SPATA13: variants seen among roughly 807,000 people sequenced by gnomAD.
The protein encoded by SPATA13 is spermatogenesis-associated protein 13.
In SPATA13, 50 loss-of-function variants were observed where a neutral mutation model predicts 104.0. The observed-to-expected ratio is 0.48, with a 90% CI of 0.38 to 0.61. SPATA13 has a LOEUF of 0.61. Ranked by LOEUF, SPATA13 falls within the 20% of genes least tolerant of loss-of-function variation. The pLI is 0.00. For synonymous variants in SPATA13, 606 were observed against 667.5 expected, an observed-to-expected ratio of 0.91 and a Z score of 1.42; for missense variants, 1,524 against 1,690.6, an observed-to-expected ratio of 0.90 and a Z score of 1.73.
At position 23,982,270 on chromosome 13, in the gene SPATA13, A is replaced by G. The variant is rs9553129; in HGVS notation, c.-353-1457A>G. On this transcript the variant is annotated intron_variant, in intron 1 of 14. Transcript: ENST00000424834. ...CAGGTATGGACCTGGCTGGTCCTGCATGAAGACTTTGCTATGCATTTTCCA... is the reference window on the plus strand; with the variant it reads ...CAGGTATGGACCTGGCTGGTCCTGCGTGAAGACTTTGCTATGCATTTTCCA... 6.9e-3 allele frequency among the ~76,000 whole-genome samples: 1,053 copies of G among 152,332 alleles called. 44 individuals are homozygous for G. In the East Asian group the frequency reaches 0.12, roughly 17 times the overall value.
intron 4 of SPATA13, among the ~76,000 whole-genome samples, chr13:24,255,650 A>G (rs1411389340): frequency 1.3e-5 from 2 of 152,368 alleles, no homozygotes; most frequent in South Asian, 2.1e-4. Context: ...GATTAGCAGT[A>G]CATTAATTAT....
At chr13:24,116,592 C>A (rs1158033665) in intron 3 of SPATA13, among the ~76,000 whole-genome samples, 1 of 152,112 alleles carries the variant, frequency 6.6e-6, no homozygotes, top group Non-Finnish European at 1.5e-5. Flanking sequence ...GTTCATTTTA[C>A]CCTCATTTTA....
Position 24,290,678 on chromosome 13 carries a change from G to T in SPATA13, c.2874G>T (p.Glu958Asp). The change falls in exon 9 of 13, where the codon GAG becomes GAT. Residue 958 changes from glutamate to aspartate, a missense_variant. Physicochemically the swap from Glu to Asp is conservative, Grantham distance 45. Coordinates refer to ENST00000382108, the MANE Select transcript of SPATA13 (RefSeq NM_001166271.3). Reference protein sequence around the residue: ...QNQEGFAIYSEYCNNHPGACL... With the variant: ...QNQEGFAIYSDYCNNHPGACL... ...AAGAGGGCTTTGCCATCTATTCCGA[G>T]TACTGCAACAACCACCCGGGCGCCT... 6.2e-7 allele frequency: 1 copy of T among 1,614,200 alleles called. No homozygotes were observed. The highest frequency in any genetic ancestry group is 8.5e-7 in the Non-Finnish European group (1 of 1,180,046).
intron 1 of SPATA13, among the ~76,000 whole-genome samples, chr13:24,172,815 C>T (rs1232135630): frequency 6.6e-6 from 1 of 152,146 alleles, no homozygotes; most frequent in Non-Finnish European, 1.5e-5. Context: ...TAGCTCCCTT[C>T]CCTTTCTGTA....
chr13:24,059,073 G>A (rs774489471), intron 3 of SPATA13, among the ~76,000 whole-genome samples: 4 of 151,708 alleles, frequency 2.6e-5, no homozygotes, highest in Admixed American at 6.6e-5. Flanking sequence ...CTGGGTTTAC[G>A]CCATTCTCCT....
intron 1 of SPATA13, among the ~76,000 whole-genome samples, chr13:24,218,911 G>C (rs185799955): frequency 7.1e-6 from 1 of 140,416 alleles, no homozygotes; most frequent in Non-Finnish European, 1.5e-5. Context: ...TCAAATTTAA[G>C]TTTTTATTTA....
chr13:24,024,454 T>TTGTC (rs60492187), intron 3 of SPATA13, among the ~76,000 whole-genome samples: 13,493 of 151,964 alleles, frequency 0.089, 952 homozygotes, highest in African/African-American at 0.18. Context: ...TTCTCTTGGG[T>TTGTC]TGTCTAGTGA....
chr13:24,229,190 A>G (rs975136274), intron 2 of SPATA13, among the ~76,000 whole-genome samples: 5 of 152,162 alleles, frequency 3.3e-5, no homozygotes, highest in African/African-American at 9.7e-5. Flanking sequence ...TCACAAGGAG[A>G]AACCCCCTCT....
At chr13:24,079,739 G>A (rs1186027877) in intron 3 of SPATA13, among the ~76,000 whole-genome samples, 2 of 152,036 alleles carry the variant, frequency 1.3e-5, no homozygotes, top group Non-Finnish European at 2.9e-5. Context: ...TATATCATTA[G>A]TTACAGCCTC....
intron 1 of SPATA13, among the ~76,000 whole-genome samples, chr13:24,202,102 A>G (rs1287652835): frequency 6.6e-6 from 1 of 151,548 alleles, no homozygotes; most frequent in Non-Finnish European, 1.5e-5. Context: ...AAATAAATAA[A>G]TAAATAAATA....
rs1407351633 is a variant in SPATA13, at chr13:24,205,711, A to G, written c.-111-17108A>G. ...CTACAGGGTGACAGTAACCAAAATC[A>G]CATGGTACTGGTACAAGAACAGACA... On this transcript the variant is annotated intron_variant, in intron 1 of 12. Transcript: ENST00000382108. The surrounding 1 kb of genome is among the most constrained non-coding windows in gnomAD (Gnocchi z 4.1). Among the ~76,000 whole-genome samples, 1 of 152,166 alleles carries G rather than the reference A, an allele frequency of 6.6e-6. No homozygotes were observed. The highest frequency in any genetic ancestry group is 1.5e-5 in the Non-Finnish European group (1 of 68,004).
chr13:24,231,729 A>G (rs1872286487), intron 2 of SPATA13, among the ~76,000 whole-genome samples: 1 of 152,216 alleles, frequency 6.6e-6, no homozygotes, highest in African/African-American at 2.4e-5. Context: ...AGCATTGTAT[A>G]AGGGTTCCAA....
intron 3 of SPATA13, among the ~76,000 whole-genome samples, chr13:24,071,872 C>T (rs756035567): frequency 3.9e-5 from 6 of 152,168 alleles, no homozygotes; most frequent in Non-Finnish European, 7.3e-5. Flanking sequence ...AGATGATTCT[C>T]CCCGTGTGCA....
intron 11 of SPATA13, among the ~76,000 whole-genome samples, chr13:24,298,888 T>C (rs1052894588): frequency 5.3e-5 from 8 of 152,070 alleles, no homozygotes; most frequent in African/African-American, 1.9e-4. Flanking sequence ...ACTCAATGGG[T>C]AGACATTGGC....
chr13:24,033,021 A>G (rs1019594856), intron 3 of SPATA13, among the ~76,000 whole-genome samples: 2 of 152,212 alleles, frequency 1.3e-5, no homozygotes, highest in African/African-American at 4.8e-5. Flanking sequence ...GAGACAATAA[A>G]AATTCAGATT....
upstream of SPATA13, among the ~76,000 whole-genome samples, chr13:24,159,368 A>G (rs996240061): frequency 6.6e-6 from 1 of 152,232 alleles, no homozygotes; most frequent in Admixed American, 6.5e-5. Context: ...AAATTTGCCC[A>G]TATTTCCACC....
chr13:24,073,581 AT>A (rs2137769179), intron 3 of SPATA13, among the ~76,000 whole-genome samples: 1 of 152,328 alleles, frequency 6.6e-6, no homozygotes, highest in African/African-American at 2.4e-5. Flanking sequence ...CTACTGCCAC[AT>A]TTGAGTAAGT....
chr13:24,218,109 C>G (rs1871358749), intron 1 of SPATA13, among the ~76,000 whole-genome samples: 1 of 152,186 alleles, frequency 6.6e-6, no homozygotes, highest in African/African-American at 2.4e-5. Flanking sequence ...TCAACATCTC[C>G]TCAAAGTCCA....
chr13:24,210,440 A>G (rs1870948581), intron 1 of SPATA13, among the ~76,000 whole-genome samples: 1 of 152,040 alleles, frequency 6.6e-6, no homozygotes, highest in African/African-American at 2.4e-5. Flanking sequence ...TTCTGAGTTG[A>G]TTTTTGGAGT....
Sources: allele counts gnomAD v4.1 joint callset (sites outside exome capture counted in the v4.1 genomes callset), GRCh38; gene constraint gnomAD v4.1.1; non-coding constraint Gnocchi (gnomAD v3.1); transcripts MANE v1.5; gene names NCBI Gene and HGNC (gene_info 2026-07-23, HGNC 2026-07-21).